The following ANXA8 variants were observed in gnomAD, a reference collection of about 807,000 sequenced individuals.
The protein encoded by ANXA8 is annexin A8.
Under a neutral mutation model 26.8 loss-of-function variants are expected in ANXA8, and 9 were observed. The ratio of observed to expected loss-of-function variants is 0.34; its 90% CI spans 0.20 to 0.59. ANXA8 has a LOEUF of 0.59. Ranked by LOEUF, ANXA8 falls within the 20% of genes least tolerant of loss-of-function variation. The pLI is 0.84. For missense variants in ANXA8, 83 were observed against 238.5 expected (o/e 0.35, Z 4.29); for synonymous variants, 39 against 94.8 (o/e 0.41, Z 3.42).
the ANXA8 span, among the ~76,000 whole-genome samples, chr10:47,975,517 A>G: frequency 2.0e-5 from 3 of 149,374 alleles, no homozygotes; most frequent in East Asian, 6.1e-4. Context: ...AGTATGCCAT[A>G]CTGTTCAAGC....
At chr10:47,534,653 T>C in the ANXA8 span, among the ~76,000 whole-genome samples, 1 of 100,200 alleles carries the variant, frequency 1.0e-5, no homozygotes, top group African/African-American at 4.5e-5. Flanking sequence ...CCAGTTATAA[T>C]TTTTTTTTTT....
chr10:47,743,405 T>TGTGTGAGAGAGAGA, the ANXA8 span, among the ~76,000 whole-genome samples: 1 of 83,530 alleles, frequency 1.2e-5, no homozygotes, highest in African/African-American at 4.9e-5. Flanking sequence ...TGTGTGTGTG[T>TGTGTGAGAGAGAGA]GAGAGAGAGA....
chr10:47,711,510 G>C, the ANXA8 span, among the ~76,000 whole-genome samples: 4 of 143,868 alleles, frequency 2.8e-5, no homozygotes, highest in Non-Finnish European at 3.0e-5. Flanking sequence ...CTATCACATT[G>C]TCTCTCTTAA....
the ANXA8 span, among the ~76,000 whole-genome samples, chr10:47,958,201 C>T: frequency 1.3e-5 from 2 of 150,232 alleles, no homozygotes; most frequent in African/African-American, 2.5e-5. Context: ...ATCTCCAGCT[C>T]GGCGTGGTGG....
At chr10:47,484,522 C>T (rs1839988295), upstream of ANXA8, 18 of 1,418,366 alleles carry the variant, frequency 1.3e-5, no homozygotes, top group Non-Finnish European at 1.5e-5. Context: ...GCAGGCGGCA[C>T]AGCCACCTTA....
chr10:47,572,887 T>C, the ANXA8 span, among the ~76,000 whole-genome samples: 23 of 151,728 alleles, frequency 1.5e-4, no homozygotes, highest in African/African-American at 3.9e-4. Flanking sequence ...ATGTTTAACA[T>C]GTATAGACTG....
At chr10:47,730,990 G>A in the ANXA8 span, among the ~76,000 whole-genome samples, 1 of 146,944 alleles carries the variant, frequency 6.8e-6, no homozygotes, top group Non-Finnish European at 1.5e-5. Flanking sequence ...TTAAAGCAGG[G>A]AAGAGCGTTC....
the ANXA8 span, among the ~76,000 whole-genome samples, chr10:47,489,307 C>G: frequency 1.4e-5 from 2 of 144,010 alleles, no homozygotes; most frequent in East Asian, 5.2e-4. Context: ...CATGAGCCAC[C>G]GCACCCTGCC....
the ANXA8 span, among the ~76,000 whole-genome samples, chr10:47,520,926 G>A: frequency 4.0e-5 from 5 of 125,534 alleles, no homozygotes; most frequent in Admixed American, 7.9e-5. Context: ...AAATCAAGAT[G>A]GCAGTAAGTT....
the ANXA8 span, among the ~76,000 whole-genome samples, chr10:47,495,120 CCAGA>C: frequency 0.021 from 3,205 of 151,086 alleles, 47 homozygotes; most frequent in African/African-American, 0.073. Flanking sequence ...TCCACTAGGG[CCAGA>C]CAGTGAGGCA....
the ANXA8 span, among the ~76,000 whole-genome samples, chr10:47,497,630 AACAAC>A: frequency 7.5e-5 from 10 of 133,074 alleles, no homozygotes; most frequent in South Asian, 4.9e-4. Flanking sequence ...AAAAAAAAAA[AACAAC>A]AACAAAACAC....
the ANXA8 span, among the ~76,000 whole-genome samples, chr10:47,669,032 T>A: frequency 2.6e-5 from 4 of 151,822 alleles, 1 homozygote; most frequent in African/African-American, 9.7e-5. Context: ...CAGTATTCAG[T>A]ACATATGTGT....
At chr10:47,651,499 G>A in the ANXA8 span, among the ~76,000 whole-genome samples, 13 of 150,758 alleles carry the variant, frequency 8.6e-5, no homozygotes, top group African/African-American at 1.5e-4. Context: ...GACAACATAT[G>A]TCCATACAAA....
chr10:47,558,109 C>T, the ANXA8 span, among the ~76,000 whole-genome samples: 1 of 151,896 alleles, frequency 6.6e-6, no homozygotes, highest in Non-Finnish European at 1.5e-5. Flanking sequence ...TTGGAAACAT[C>T]TGGATACCAG....
At chr10:47,649,512 G>T in the ANXA8 span, among the ~76,000 whole-genome samples, 1 of 150,732 alleles carries the variant, frequency 6.6e-6, no homozygotes, top group Non-Finnish European at 1.5e-5. Context: ...GGGTTCAAGC[G>T]ATTCTCCTGT....
the ANXA8 span, among the ~76,000 whole-genome samples, chr10:47,704,790 C>G: frequency 6.6e-6 from 1 of 151,690 alleles, no homozygotes; most frequent in Admixed American, 6.6e-5. Flanking sequence ...TTATTTTGTA[C>G]TAATAGTAAT....
chr10:47,557,779 A>T, the ANXA8 span, among the ~76,000 whole-genome samples: 1 of 102,322 alleles, frequency 9.8e-6, no homozygotes, highest in Middle Eastern at 5.7e-3. Context: ...ATTAATTATA[A>T]AAAAAAAACA....
At chr10:47,928,845 C>A in the ANXA8 span, among the ~76,000 whole-genome samples, 1 of 114,014 alleles carries the variant, frequency 8.8e-6, no homozygotes, top group Admixed American at 9.4e-5. Flanking sequence ...AACTCGAACT[C>A]CTGGGCTCAA....
the ANXA8 span, among the ~76,000 whole-genome samples, chr10:47,522,244 C>A: frequency 1.4e-5 from 2 of 142,940 alleles, no homozygotes; most frequent in East Asian, 2.7e-4. Context: ...CGTTTCATGT[C>A]TTTTGAAAGT....
Sources: gnomAD v4.1 joint callset for allele counts (sites outside exome capture counted in the v4.1 genomes callset) on GRCh38, gnomAD v4.1.1 for gene constraint, MANE v1.5 for transcripts, NCBI Gene and HGNC (gene_info 2026-07-23, HGNC 2026-07-21) for gene names.